PLCL2: variants seen among roughly 807,000 people sequenced by gnomAD.
The protein encoded by PLCL2 is phospholipase C like 2.
In PLCL2, 4 loss-of-function variants were observed where a neutral mutation model predicts 79.6. That is an observed-to-expected ratio of 0.05 (90% CI 0.02 to 0.11). The LOEUF is 0.11. PLCL2 is among the 10% of genes least tolerant of loss of function. PLCL2 has a pLI of 1.00. For synonymous variants in PLCL2, 484 were observed against 457.7 expected, an observed-to-expected ratio of 1.06 and a Z score of -0.73; for missense variants, 895 against 1,291.0, an observed-to-expected ratio of 0.69 and a Z score of 4.70.
At chr3:17,031,059 C>T (rs1575595662) in intron 3 of PLCL2, among the ~76,000 whole-genome samples, 1 of 152,074 alleles carries the variant, frequency 6.6e-6, no homozygotes, top group South Asian at 2.1e-4. Flanking sequence ...ACGTAGCATC[C>T]AGAAGTTCCT....
chr3:17,015,932 C>T (rs2064378822), intron 3 of PLCL2, among the ~76,000 whole-genome samples: 2 of 152,116 alleles, frequency 1.3e-5, no homozygotes, highest in Non-Finnish European at 2.9e-5. Flanking sequence ...GTGACTACTT[C>T]GTAGGTTTCT....
chr3:16,994,580 A>G (rs2064134655), intron 1 of PLCL2, among the ~76,000 whole-genome samples: 7 of 152,238 alleles, frequency 4.6e-5, no homozygotes, highest in Admixed American at 4.6e-4. Flanking sequence ...TAATTTTGCA[A>G]AGTGGATTTA....
rs547582289 is a variant in PLCL2 at position 16,904,306 on chromosome 3, C to CAAAAAAAAAAAAAAAAA, written c.327+18951_327+18952insAAAAAAAAAAAAAAAAA. Among the ~76,000 whole-genome samples the CAAAAAAAAAAAAAAAAA allele has an allele frequency of 2.2e-3, 260 of 115,966 alleles. 6 individuals are homozygous for CAAAAAAAAAAAAAAAAA. Among genetic ancestry groups the CAAAAAAAAAAAAAAAAA allele is most frequent in the African/African-American group, 8.0e-3 (239 of 30,062 alleles). The allele number at this position is 115,966 out of a possible 152,430, so 76.1% of individuals were successfully genotyped here. A position where few individuals can be genotyped will look rare whatever the true frequency, so the allele number is the denominator to read the frequency against. On this transcript the variant is annotated intron_variant, in intron 1 of 5. Transcript: ENST00000615277. ...CCTTAACCTTTTCAAGAGATCTTGA[C>CAAAAAAAAAAAAAAAAA]AAAAAAAAAAAGCAAACTTTGGAGT... is the stretch of plus-strand genomic sequence containing the variant.
chr3:17,084,138 A>T (rs935964787), intron 5 of PLCL2, among the ~76,000 whole-genome samples: 1 of 152,220 alleles, frequency 6.6e-6, no homozygotes, highest in South Asian at 2.1e-4. Flanking sequence ...TAAAAGGATA[A>T]TGAAGGAATA....
intron 1 of PLCL2, among the ~76,000 whole-genome samples, chr3:16,935,586 AT>A (rs201182327): frequency 1.3e-5 from 2 of 151,544 alleles, no homozygotes; most frequent in East Asian, 3.9e-4. Context: ...CGGAATAATA[AT>A]TTTTTTTTCT....
chr3:17,077,049 C>T (rs897359257), intron 5 of PLCL2, among the ~76,000 whole-genome samples: 6 of 152,260 alleles, frequency 3.9e-5, no homozygotes, highest in African/African-American at 4.8e-5. Context: ...ATGTTCTAGC[C>T]ACTGTCGGCT....
At chr3:17,066,353 A>G (rs567786286) in intron 4 of PLCL2, among the ~76,000 whole-genome samples, 130 of 152,350 alleles carry the variant, frequency 8.5e-4, no homozygotes, top group African/African-American at 3.0e-3. Context: ...TAGGTAGGAA[A>G]AAGAAACACA....
At chr3:17,058,618 A>G (rs1372413119) in intron 4 of PLCL2, among the ~76,000 whole-genome samples, 1 of 152,162 alleles carries the variant, frequency 6.6e-6, no homozygotes, top group Non-Finnish European at 1.5e-5. Flanking sequence ...GGAGAGATCA[A>G]TACTGGAATT....
At chr3:16,925,576 T>C (rs1294460389) in intron 1 of PLCL2, among the ~76,000 whole-genome samples, 1 of 152,210 alleles carries the variant, frequency 6.6e-6, no homozygotes, top group Non-Finnish European at 1.5e-5. Flanking sequence ...TAAATTACTG[T>C]CTCTCTGAAT....
chr3:17,008,476 T>G (rs562410138), intron 1 of PLCL2, among the ~76,000 whole-genome samples: 1 of 152,214 alleles, frequency 6.6e-6, no homozygotes, highest in East Asian at 1.9e-4. Flanking sequence ...TAAACTTTAG[T>G]GTACATCCTC....
intron 1 of PLCL2, among the ~76,000 whole-genome samples, chr3:16,920,636 A>G (rs1024874519): frequency 5.3e-5 from 8 of 152,148 alleles, no homozygotes; most frequent in African/African-American, 1.9e-4. Context: ...GCCTTTAGGG[A>G]GGGCATACTT....
rs1176188134 is a variant in PLCL2 at position 16,885,304 on chromosome 3, G to C, written c.265G>C (p.Val89Leu). Residue 89 changes from valine (V) to leucine (L), a missense_variant, in exon 1 of 6, where the codon GTC (valine) becomes CTC (leucine). By Grantham distance (32) the Val-to-Leu change is conservative. Transcript: ENST00000615277. ...GCTCGCCCCGACCCCCAGCGCGGTC[G>C]TCTGTACCCTCCCCCGGGAGAGCAA... ...VALAPTPSAVVCTLPRESKPG... is the reference protein window; with the variant it reads ...VALAPTPSAVLCTLPRESKPG... The C allele has an allele frequency of 3.0e-6, 2 of 667,552 alleles. No homozygotes were observed. Among genetic ancestry groups the C allele is most frequent in the Non-Finnish European group, 5.4e-6 (2 of 368,768 alleles). 41.4% of individuals were successfully genotyped at this position (667,552 alleles called of 1,614,324 possible). A position where few individuals can be genotyped will look rare whatever the true frequency, so the allele number is the denominator to read the frequency against.
chr3:16,943,684 TA>T (rs1485610187), intron 1 of PLCL2, among the ~76,000 whole-genome samples: 3 of 152,228 alleles, frequency 2.0e-5, no homozygotes, highest in African/African-American at 7.2e-5. Context: ...ATTATCTGCT[TA>T]AAAAATATAA....
At chr3:16,899,375 A>G (rs1322077880) in intron 1 of PLCL2, among the ~76,000 whole-genome samples, 1 of 152,200 alleles carries the variant, frequency 6.6e-6, no homozygotes. Context: ...CATTGGGGTC[A>G]TGTTTGAAAA....
chr3:17,077,910 TTATC>T (rs1210823341), intron 5 of PLCL2, among the ~76,000 whole-genome samples: 4 of 152,224 alleles, frequency 2.6e-5, no homozygotes, highest in African/African-American at 7.2e-5. Context: ...GTCTTTCTGC[TTATC>T]TTTCTGCCTC....
At chr3:17,067,689 A>G (rs1424356328) in intron 4 of PLCL2, among the ~76,000 whole-genome samples, 1 of 152,116 alleles carries the variant, frequency 6.6e-6, no homozygotes, top group Non-Finnish European at 1.5e-5. Flanking sequence ...TCCCTTCTCT[A>G]AAATAAGAAT....
chr3:17,011,860 G>A lies in PLCL2; in HGVS notation c.2514G>A (p.Gly838=), dbSNP rs1211306809. The A allele has an allele frequency of 6.2e-7, 1 of 1,614,130 alleles. No homozygotes were observed. Among genetic ancestry groups the A allele is most frequent in the South Asian group, 1.1e-5 (1 of 91,076 alleles). ...RFVVLDDDYI[G]DEFIGQYTIP... is the part of the protein sequence containing the mutation. ...TAGTGCTGGATGATGACTACATTGG[G>A]GATGAATTCATCGGCCAGTACACAA... The change falls in exon 2 of 6, where the codon GGG becomes GGA. Residue 838 remains glycine (G), a synonymous_variant. Transcript: ENST00000615277. This position sits in a 1 kb window ranked among gnomAD's most constrained non-coding sequence, Gnocchi z 7.9.
At chr3:16,917,247 A>T (rs1279627731) in intron 1 of PLCL2, among the ~76,000 whole-genome samples, 1 of 152,206 alleles carries the variant, frequency 6.6e-6, no homozygotes, top group Non-Finnish European at 1.5e-5. Context: ...TTACCTAACC[A>T]ATAAATTAGA....
At chr3:16,901,061 A>C (rs1041633308) in intron 1 of PLCL2, among the ~76,000 whole-genome samples, 10 of 152,192 alleles carry the variant, frequency 6.6e-5, no homozygotes, top group Non-Finnish European at 1.3e-4. Context: ...TTGCTGGCCC[A>C]CTGTTACTTA....
Sources: gnomAD v4.1 joint callset for allele counts (sites outside exome capture counted in the v4.1 genomes callset) on GRCh38, gnomAD v4.1.1 for gene constraint, Gnocchi (gnomAD v3.1) non-coding constraint, MANE v1.5 for transcripts, NCBI Gene and HGNC (gene_info 2026-07-23, HGNC 2026-07-21) for gene names.